The following PRSS55 variants were observed in gnomAD, a reference collection of about 807,000 sequenced individuals.
The protein encoded by PRSS55 is serine protease 55.
Under a neutral mutation model 23.6 loss-of-function variants are expected in PRSS55, and 41 were observed. That is an observed-to-expected ratio of 1.74 (90% CI 1.35 to 2.26). The LOEUF is 2.26. Among genes scored for constraint, PRSS55 ranks in the 30% most tolerant of loss-of-function variants. The pLI is 0.00. For missense variants in PRSS55, 669 were observed against 439.1 expected, an observed-to-expected ratio of 1.52 and a Z score of -4.68; for synonymous variants, 262 against 175.5, an observed-to-expected ratio of 1.49 and a Z score of -3.90.
At chr8:10,552,464 G>C (rs1298869261) in intron 4 of PRSS55, among the ~76,000 whole-genome samples, 2 of 152,198 alleles carry the variant, frequency 1.3e-5, no homozygotes, top group Non-Finnish European at 2.9e-5. Context: ...CAGCCAAGGA[G>C]ACAATTAGCA....
intron 4 of PRSS55, among the ~76,000 whole-genome samples, chr8:10,545,667 G>A (rs546178699): frequency 3.7e-4 from 57 of 152,280 alleles, no homozygotes; most frequent in African/African-American, 1.3e-3. Flanking sequence ...ATTAGAATAT[G>A]CATTGGATTG....
intron 4 of PRSS55, among the ~76,000 whole-genome samples, chr8:10,535,798 A>G (rs1356809671): frequency 6.6e-6 from 1 of 152,228 alleles, no homozygotes; most frequent in Non-Finnish European, 1.5e-5. Context: ...GGGAGAAAAT[A>G]TTTGCAAACT....
intron 1 of PRSS55, among the ~76,000 whole-genome samples, chr8:10,528,938 T>G (rs145106228): frequency 1.3e-5 from 2 of 152,270 alleles, no homozygotes; most frequent in Non-Finnish European, 2.9e-5. Flanking sequence ...CTGCAGTCAC[T>G]TCTCCCTCTG....
chr8:10,535,439 T>C (rs1812420757), intron 4 of PRSS55, among the ~76,000 whole-genome samples: 1 of 152,158 alleles, frequency 6.6e-6, no homozygotes, highest in Non-Finnish European at 1.5e-5. Context: ...CTGATCTTCA[T>C]CAAAGTCAAC....
chr8:10,538,229 A>T (rs529492435), intron 4 of PRSS55, among the ~76,000 whole-genome samples: 2 of 152,112 alleles, frequency 1.3e-5, no homozygotes, highest in South Asian at 4.2e-4. Context: ...TTTCTTACCA[A>T]GGCTTCCCCC....
At chr8:10,543,472 C>CTTTTCTTTTCTTTTCT (rs57410388), downstream of PRSS55, among the ~76,000 whole-genome samples, 11 of 29,314 alleles carry the variant, frequency 3.8e-4, 1 homozygote, top group Admixed American at 1.5e-3. Flanking sequence ...TCCTTTCTTT[C>CTTTTCTTTTCTTTTCT]TTTCTCTCTT....
At chr8:10,525,881 C>G (rs556783157) in intron 1 of PRSS55, 142 bp downstream of exon 1, 13 of 912,526 alleles carry the variant, frequency 1.4e-5, no homozygotes, top group Non-Finnish European at 1.9e-5. Context: ...CCTTTCTCTC[C>G]TCTCTCCCCT....
At chr8:10,532,388 A>G (rs1204315695) in intron 3 of PRSS55, among the ~76,000 whole-genome samples, 1 of 152,126 alleles carries the variant, frequency 6.6e-6, no homozygotes, top group East Asian at 1.9e-4. Context: ...ATTCAGGTGA[A>G]TTCCCGGCAT....
chr8:10,542,140 C>T (rs1238083624), downstream of PRSS55, among the ~76,000 whole-genome samples: 1 of 152,094 alleles, frequency 6.6e-6, no homozygotes, highest in African/African-American at 2.4e-5. Flanking sequence ...AAACATTATC[C>T]AGTCAATTGT....
chr8:10,526,105 C>T (rs952259754), intron 1 of PRSS55, among the ~76,000 whole-genome samples: 8 of 152,152 alleles, frequency 5.3e-5, no homozygotes, highest in Admixed American at 5.2e-4. Flanking sequence ...CTAGCTCAGT[C>T]AGGCCAAGTG....
At chr8:10,544,244 A>G (rs1197889973) in intron 4 of PRSS55, among the ~76,000 whole-genome samples, 3 of 152,144 alleles carry the variant, frequency 2.0e-5, no homozygotes, top group African/African-American at 4.8e-5. Context: ...AGCTTTCTGA[A>G]TCATTGACCC....
chr8:10,543,416 C>CT (rs369256778), downstream of PRSS55, among the ~76,000 whole-genome samples: 74,946 of 114,480 alleles, frequency 0.65, 25,460 homozygotes, highest in South Asian at 0.78. Flanking sequence ...TTTCTTTCTT[C>CT]TTTCTTTCTT....
At chr8:10,537,586 G>C (rs1314323419) in intron 4 of PRSS55, among the ~76,000 whole-genome samples, 2 of 152,154 alleles carry the variant, frequency 1.3e-5, no homozygotes, top group Admixed American at 1.3e-4. Context: ...AAAATTAACT[G>C]GAAGAGTGGA....
At chr8:10,544,064 C>A (rs1163911895) in intron 4 of PRSS55, among the ~76,000 whole-genome samples, 1 of 152,114 alleles carries the variant, frequency 6.6e-6, no homozygotes, top group Non-Finnish European at 1.5e-5. Context: ...TGCCAAAATC[C>A]TCTTTATCCT....
intron 4 of PRSS55, chr8:10,545,304 C>A (rs889760392): frequency 6.6e-6 from 1 of 151,530 alleles, no homozygotes; most frequent in Non-Finnish European, 1.5e-5. Context: ...CTCAAGTGAT[C>A]CTACTGTCTC....
At chr8:10,539,918 C>T (rs569474701), downstream of PRSS55, among the ~76,000 whole-genome samples, 1 of 152,358 alleles carries the variant, frequency 6.6e-6, no homozygotes, top group African/African-American at 2.4e-5. Flanking sequence ...TGGGCCTTCT[C>T]TCTTTTGAGG....
At chr8:10,548,747 G>T (rs1400519910) in intron 4 of PRSS55, among the ~76,000 whole-genome samples, 6 of 144,942 alleles carry the variant, frequency 4.1e-5, no homozygotes, top group African/African-American at 1.5e-4. Context: ...ACTTGGATCC[G>T]CAGGGCAGCC....
chr8:10,553,974 A>G lies in PRSS55; in HGVS notation c.773A>G (p.Asn258Ser), dbSNP rs1813006887. Residue 258 changes from asparagine to serine, a missense_variant, in exon 5 of 5, where the codon AAC (asparagine) becomes AGC (serine). Physicochemically the swap from Asn to Ser is conservative, Grantham distance 46 (BLOSUM62 1). Transcript: ENST00000522210. The stretch of plus-strand genomic sequence containing the variant: ...TATTTTCCCACTTTACAAAGAATGA[A>G]CACCGGAAGCTCTCAAACAAAGCCG... The G allele has an allele frequency of 2.0e-6, 3 of 1,529,430 alleles. 1 individual carries two copies. In the South Asian group the frequency reaches 3.7e-5, roughly 19 times the overall value. The allele number at this position is 1,529,430 out of a possible 1,614,324, so 94.7% of individuals were successfully genotyped here.
rs960702115 is a variant in PRSS55 at position 10,531,709 on chromosome 8, C to G, written c.598+164C>G. 1.8e-4 allele frequency: 158 copies of G among 882,298 alleles called. 1 individual carries two copies. In the African/African-American group the frequency reaches 2.2e-3, roughly 12 times the overall value. 54.7% of individuals were successfully genotyped at this position (882,298 alleles called of 1,614,324 possible). A position where few individuals can be genotyped will look rare whatever the true frequency, so the allele number is the denominator to read the frequency against. On this transcript the variant is annotated intron_variant, in intron 3 of 4. Transcript: ENST00000328655. ...TAGCTCCTTTTGGGTGCCGAAACCC[C>G]AAGGTGAGACACCAGGTCTGAGCCA... is the stretch of plus-strand genomic sequence containing the variant.
Sources: allele counts gnomAD v4.1 joint callset (sites outside exome capture counted in the v4.1 genomes callset), GRCh38; gene constraint gnomAD v4.1.1; transcripts MANE v1.5; gene names NCBI Gene and HGNC (gene_info 2026-07-23, HGNC 2026-07-21).